SMPD4: variants seen among roughly 807,000 people sequenced by gnomAD.
SMPD4 encodes the protein sphingomyelin phosphodiesterase 4.
Under a neutral mutation model 97.8 loss-of-function variants are expected in SMPD4, and 58 were observed. That is an observed-to-expected ratio of 0.59 (90% CI 0.48 to 0.74). SMPD4 has a LOEUF of 0.74. Among genes scored for constraint, SMPD4 ranks in the 30% least tolerant of loss-of-function variants. The pLI, the probability that SMPD4 is intolerant of heterozygous loss-of-function variation, is 0.00. For synonymous variants in SMPD4, 388 were observed against 450.0 expected (o/e 0.86, Z 1.74); for missense variants, 853 against 1,080.5 (o/e 0.79, Z 2.95).
At chr2:130,154,171 T>TCTATA in intron 16 of SMPD4, 106 bp downstream of exon 16, 1 of 1,360,428 alleles carries the variant, frequency 7.4e-7, no homozygotes, top group Non-Finnish European at 9.9e-7. Flanking sequence ...TGGCGTCAAA[T>TCTATA]CTATACCCAG....
At chr2:130,170,546 G>A (rs146912096) in intron 8 of SMPD4, among the ~76,000 whole-genome samples, 2,546 of 150,918 alleles carry the variant, frequency 0.017, 25 homozygotes, top group Non-Finnish European at 0.027. Flanking sequence ...CAGGAGGATC[G>A]CTCGAGCCCA....
chr2:130,159,646 A>C (rs1361774273), intron 11 of SMPD4: 2 of 152,806 alleles, frequency 1.3e-5, no homozygotes, highest in African/African-American at 4.8e-5. Flanking sequence ...TCAAAAAAAA[A>C]AAAAAAAAGA....
intron 11 of SMPD4, among the ~76,000 whole-genome samples, chr2:130,159,077 C>A (rs1394769498): frequency 6.6e-6 from 1 of 152,090 alleles, no homozygotes; most frequent in Admixed American, 6.5e-5. Context: ...TCACTGCAGC[C>A]TCTGCCTCCA....
Position 130,152,674 on chromosome 2 carries a change from C to A in SMPD4, c.2365G>T (p.Val789Leu). ...TLVSLLLAFF[V>L]ASLFCVGPLP... ...GGCCCGACGCAGAACAGAGAGGCCA[C>A]GAAGAAGGCCAGCAGCAGCGAGACC... Residue 789 changes from valine to leucine, a missense_variant, in exon 20 of 20, where the codon GTG (valine) becomes TTG (leucine). Coordinates refer to ENST00000680298, the MANE Select transcript of SMPD4 (RefSeq NM_017951.5). 5 of 1,568,968 alleles carry A rather than the reference C, an allele frequency of 3.2e-6. No homozygotes were observed. In the South Asian group the frequency reaches 5.8e-5, roughly 18 times the overall value.
intron 10 of SMPD4, among the ~76,000 whole-genome samples, chr2:130,162,712 G>T (rs554174151): frequency 6.6e-6 from 1 of 152,346 alleles, no homozygotes; most frequent in Admixed American, 6.5e-5. Context: ...ATGGCAGTAC[G>T]TGTAGCACAG....
At chr2:130,180,931 A>G (rs993448272) in intron 1 of SMPD4, among the ~76,000 whole-genome samples, 2 of 152,092 alleles carry the variant, frequency 1.3e-5, no homozygotes, top group African/African-American at 2.4e-5. Flanking sequence ...AGTCCACTTC[A>G]TGGCGACTCT....
chr2:130,155,999 G>C (rs1686748988), intron 14 of SMPD4, 36 bp downstream of exon 14: 3 of 1,591,746 alleles, frequency 1.9e-6, no homozygotes, highest in Non-Finnish European at 2.6e-6. Context: ...ACCTGGGGGA[G>C]CCAGTGGCAT....
intron 14 of SMPD4, among the ~76,000 whole-genome samples, chr2:130,155,573 G>C (rs539449556): frequency 6.6e-6 from 1 of 152,084 alleles, no homozygotes; most frequent in Non-Finnish European, 1.5e-5. Flanking sequence ...TCCCCCAGAG[G>C]GTCCAAAGGG....
Position 130,161,256 on chromosome 2 carries a change from T to C in SMPD4, c.881A>G (p.Tyr294Cys). 1 of 1,613,348 alleles carries C rather than the reference T, an allele frequency of 6.2e-7. No individual in the cohort carries two copies. The highest frequency in any genetic ancestry group is 1.7e-4 in the Middle Eastern group (1 of 6,040). ...SPHAKLEVLH[Y>C]RLSVSSALYS... The stretch of plus-strand genomic sequence containing the variant: ...GAGGGCGCTGGAGACACTGAGTCGG[T>C]AGTGCAGAACCTCCAGCTGAGATAA... The change falls in exon 11 of 20, where the codon TAC becomes TGC. Residue 294 changes from tyrosine to cysteine, a missense_variant. Around this residue, in one of 3 missense-constraint regions of SMPD4, gnomAD observed 313 missense variants for 402.2 expected, o/e 0.78. Coordinates refer to ENST00000680298, the MANE Select transcript of SMPD4 (RefSeq NM_017951.5).
chr2:130,167,403 C>G (rs368525395), intron 9 of SMPD4, 55 bp downstream of exon 9: 20 of 1,609,188 alleles, frequency 1.2e-5, no homozygotes, highest in South Asian at 1.2e-4. Flanking sequence ...ATTATAGGCA[C>G]GAGCCACCAT....
intron 1 of SMPD4, among the ~76,000 whole-genome samples, chr2:130,181,145 G>C (rs1389623410): frequency 6.6e-6 from 1 of 152,206 alleles, no homozygotes; most frequent in African/African-American, 2.4e-5. Context: ...CCAAGGCTCG[G>C]AGATGTGGAG....
At chr2:130,154,982 G>T (rs1458230559) in intron 15 of SMPD4, 114 bp downstream of exon 15, 1 of 1,369,634 alleles carries the variant, frequency 7.3e-7, no homozygotes, top group African/African-American at 1.5e-5. Context: ...CCCTTTGCCG[G>T]GGCCCACTCT....
chr2:130,152,582 G>A lies in SMPD4; in HGVS notation c.2457C>T (p.Thr819=), dbSNP rs143175313. 5,689 of 1,548,936 alleles carry A rather than the reference G, an allele frequency of 3.7e-3. 18 individuals are homozygous for A. Among genetic ancestry groups the A allele is most frequent in the Non-Finnish European group, 4.6e-3 (5,320 of 1,146,080 alleles). The change falls in exon 20 of 20, where the codon ACC becomes ACT. Residue 819 remains threonine, a synonymous_variant. Coordinates refer to ENST00000680298, the MANE Select transcript of SMPD4 (RefSeq NM_017951.5). The part of the protein sequence containing the change: ...VLYASAMTLL[T]ERGKLHQP ...AGGGCTGGTGCAGCTTCCCCCGCTC[G>A]GTCAGCAGTGTCATGGCAGAGGCGT...
intron 4 of SMPD4, 50 bp downstream of exon 4, chr2:130,173,464 A>C: frequency 6.3e-7 from 1 of 1,587,180 alleles, no homozygotes; most frequent in Non-Finnish European, 8.6e-7. Context: ...TTAAAGGTGG[A>C]ATCACCATGA....
At chr2:130,162,306 G>T (rs932374725) in intron 10 of SMPD4, among the ~76,000 whole-genome samples, 40 of 152,304 alleles carry the variant, frequency 2.6e-4, no homozygotes, top group African/African-American at 7.7e-4. Context: ...GCCACAGCCG[G>T]CCTGGTGCAC....
At position 130,153,885 on chromosome 2, in the gene SMPD4, G is replaced by A. The variant is rs13413763; in HGVS notation, c.1710C>T (p.Ser570=). The A allele has an allele frequency of 5.5e-4, 880 of 1,613,886 alleles. 3 individuals carry two copies. The African/African-American group carries it at 9.5e-3, about 17-fold the overall frequency. ...GGCTCTCCGCACACTGGTCGGAGAT[G>A]GACTTGGCTGTGTGTTTGGCCTGTG... ...LITQAKHTAK[S]ISDQCAESPA... Residue 570 remains serine (S), a synonymous_variant, in exon 17 of 20, where the codon TCC becomes TCT. Transcript: ENST00000680298.
chr2:130,181,509 C>A, intron 1 of SMPD4, 21 bp downstream of exon 1: 2 of 1,593,506 alleles, frequency 1.3e-6, no homozygotes, highest in Non-Finnish European at 8.5e-7. Context: ...CCGTCTCAGG[C>A]GCGCATCCCG....
At position 130,153,912 on chromosome 2, in the gene SMPD4, G is replaced by A. The variant is rs151245365; in HGVS notation, c.1683C>T (p.Ile561=). The A allele has an allele frequency of 3.8e-5, 62 of 1,613,656 alleles. No individual in the cohort carries two copies. The highest frequency in any genetic ancestry group is 4.9e-5 in the Non-Finnish European group (58 of 1,179,862). Residue 561 remains isoleucine (I), a synonymous_variant, in exon 17 of 20, where the codon ATC becomes ATT. Transcript: ENST00000680298. ...ACTTGGCTGTGTGTTTGGCCTGTGTGATGAGCTGAGCGAGGCGCAGGACCT... is the reference window on the plus strand; with the variant it reads ...ACTTGGCTGTGTGTTTGGCCTGTGTAATGAGCTGAGCGAGGCGCAGGACCT... ...RTLVLRLAQL[I]TQAKHTAKSI...
At position 130,153,172 on chromosome 2, in the gene SMPD4, C is replaced by G; in HGVS notation, c.2026-1G>C. 2 of 1,613,776 alleles carry G rather than the reference C, an allele frequency of 1.2e-6. No homozygotes were observed. Among genetic ancestry groups the G allele is most frequent in the Non-Finnish European group, 1.7e-6 (2 of 1,179,988 alleles). The stretch of plus-strand genomic sequence containing the variant: ...CAAACCTTCGCAGCCCATTGATGAT[C>G]TAGAAAGCCAGGCCATGGGGATGGG... On this transcript the variant is annotated splice_acceptor_variant, in intron 18 of 19. Transcript: ENST00000680298. LOFTEE classifies it high-confidence loss of function.
Sources: gnomAD v4.1 joint callset for allele counts (sites outside exome capture counted in the v4.1 genomes callset) on GRCh38, gnomAD v4.1.1 for gene constraint, gnomAD v4.1.1 regional missense constraint, MANE v1.5 for transcripts, NCBI Gene and HGNC (gene_info 2026-07-23, HGNC 2026-07-21) for gene names.